CAP2: variants seen among roughly 807,000 people sequenced by gnomAD.
The protein encoded by CAP2 is cyclase associated actin cytoskeleton regulatory protein 2, also known as adenylyl cyclase-associated protein 2.
Under a neutral mutation model 57.7 loss-of-function variants are expected in CAP2, and 24 were observed. The observed-to-expected ratio is 0.42, with a 90% CI of 0.30 to 0.58. The LOEUF (loss-of-function observed/expected upper bound fraction) is 0.58, where lower values mean the gene tolerates loss of function less well. Ranked by LOEUF, CAP2 falls within the 20% of genes least tolerant of loss-of-function variation. The pLI is 0.22. For missense variants in CAP2, 501 were observed against 590.3 expected, an observed-to-expected ratio of 0.85 and a Z score of 1.57; for synonymous variants, 194 against 207.2, an observed-to-expected ratio of 0.94 and a Z score of 0.55.
In CAP2 at chr6:17,421,604, C is replaced by T. The variant is rs367682004; in HGVS notation, c.49C>T (p.Arg17Cys). ...LVERLERAVS[R>C]LESLSAESHR... is the part of the protein sequence containing the mutation. ...GGAAAGACTGGAACGAGCTGTCAGC[C>T]GCCTGGAGTCGCTGTCTGCAGAGTC... is the stretch of plus-strand genomic sequence containing the variant. The change falls in exon 2 of 13, where the codon CGC (arginine) becomes TGC (cysteine). Residue 17 changes from arginine to cysteine, a missense_variant. Physicochemically the swap from Arg to Cys is radical, Grantham distance 180. Coordinates refer to ENST00000229922, the MANE Select transcript of CAP2 (RefSeq NM_006366.3). The T allele has an allele frequency of 5.6e-6, 9 of 1,613,892 alleles. No individual in the cohort carries two copies. The highest frequency in any genetic ancestry group is 1.6e-4 in the Middle Eastern group (1 of 6,084).
chr6:17,491,258 C>G (rs1337715004), intron 4 of CAP2, among the ~76,000 whole-genome samples: 1 of 151,950 alleles, frequency 6.6e-6, no homozygotes, highest in Non-Finnish European at 1.5e-5. Flanking sequence ...GCCTGAGATT[C>G]TCAAAAAGAG....
intron 4 of CAP2, among the ~76,000 whole-genome samples, chr6:17,494,117 A>G (rs10807611): frequency 0.52 from 78,972 of 151,986 alleles, 20,715 homozygotes; most frequent in Admixed American, 0.6. Context: ...AGTAGTCTCG[A>G]ATACGATGTC....
chr6:17,470,046 A>C (rs115734191), intron 4 of CAP2, among the ~76,000 whole-genome samples: 3,022 of 152,374 alleles, frequency 0.02, 69 homozygotes, highest in Middle Eastern at 0.051. Context: ...GAGGGTTGTC[A>C]AGAGCAGAAA....
rs914709171 is a variant in CAP2 at position 17,458,851 on chromosome 6, C to G, written c.223-4145C>G. On this transcript the variant is annotated intron_variant, in intron 3 of 12. Transcript: ENST00000229922. ...AATATAAACTCATGACCAAATAAAACCGAATCACAGAATTTTTCCCTCCCC... is the reference window on the plus strand; with the variant it reads ...AATATAAACTCATGACCAAATAAAAGCGAATCACAGAATTTTTCCCTCCCC... Among the ~76,000 whole-genome samples the G allele has an allele frequency of 6.2e-5, 9 of 144,774 alleles. No homozygotes were observed. In the East Asian group the frequency reaches 7.8e-4, roughly 13 times the overall value. The allele number at this position is 144,774 out of a possible 152,430, so 95.0% of individuals were successfully genotyped here. A position where few individuals can be genotyped will look rare whatever the true frequency, so the allele number is the denominator to read the frequency against.
At chr6:17,505,327 C>T (rs933512764) in intron 4 of CAP2, among the ~76,000 whole-genome samples, 1 of 152,136 alleles carries the variant, frequency 6.6e-6, no homozygotes, top group African/African-American at 2.4e-5. Context: ...TAAAAGCTAC[C>T]GCAGCTGCAC....
intron 7 of CAP2, among the ~76,000 whole-genome samples, chr6:17,538,219 G>A (rs1581605854): frequency 6.6e-6 from 1 of 151,622 alleles, no homozygotes; most frequent in Non-Finnish European, 1.5e-5. Context: ...GGAGGCCAGG[G>A]CAGGAGGATT....
chr6:17,533,463 A>G (rs1347912547), intron 7 of CAP2, among the ~76,000 whole-genome samples: 1 of 152,194 alleles, frequency 6.6e-6, no homozygotes, highest in African/African-American at 2.4e-5. Flanking sequence ...TAATCTTAAT[A>G]GACCTTAAAT....
intron 1 of CAP2, among the ~76,000 whole-genome samples, chr6:17,406,306 G>T (rs1015084639): frequency 6.6e-6 from 1 of 151,922 alleles, no homozygotes; most frequent in African/African-American, 2.4e-5. Flanking sequence ...GGACAGAGTA[G>T]CGAGAGGAAT....
intron 1 of CAP2, among the ~76,000 whole-genome samples, chr6:17,412,603 TA>T (rs1278402917): frequency 6.6e-6 from 1 of 152,152 alleles, no homozygotes; most frequent in Non-Finnish European, 1.5e-5. Context: ...GACAAATGCT[TA>T]AACTACGAGG....
At chr6:17,512,185 T>C (rs1762172704) in intron 6 of CAP2, among the ~76,000 whole-genome samples, 1 of 151,706 alleles carries the variant, frequency 6.6e-6, no homozygotes. Context: ...AGGCCAGGAG[T>C]TCGAGACCAG....
At chr6:17,437,821 G>A (rs1280679731) in intron 3 of CAP2, among the ~76,000 whole-genome samples, 1 of 152,080 alleles carries the variant, frequency 6.6e-6, no homozygotes, top group Non-Finnish European at 1.5e-5. Context: ...AGTTTGCAGT[G>A]AACAGAGATC....
At chr6:17,491,903 A>C (rs1332915923) in intron 4 of CAP2, among the ~76,000 whole-genome samples, 1 of 152,266 alleles carries the variant, frequency 6.6e-6, no homozygotes, top group Non-Finnish European at 1.5e-5. Context: ...ACTGATCTTA[A>C]GATGATAGTC....
At chr6:17,545,325 G>C (rs984647420) in intron 11 of CAP2, among the ~76,000 whole-genome samples, 2 of 152,096 alleles carry the variant, frequency 1.3e-5, no homozygotes, top group African/African-American at 4.8e-5. Flanking sequence ...TATATAAGCA[G>C]TTAGCATTTT....
intron 3 of CAP2, among the ~76,000 whole-genome samples, chr6:17,437,066 G>C (rs1759911690): frequency 6.6e-6 from 1 of 152,098 alleles, no homozygotes; most frequent in African/African-American, 2.4e-5. Context: ...AGGAAAATAA[G>C]CTCAGGGCTC....
intron 3 of CAP2, among the ~76,000 whole-genome samples, chr6:17,433,364 G>T (rs1759793121): frequency 6.6e-6 from 1 of 152,202 alleles, no homozygotes. Flanking sequence ...CCACGTTTCT[G>T]TGCTTTCAGG....
intron 4 of CAP2, among the ~76,000 whole-genome samples, chr6:17,496,023 T>TGGG (rs1761656487): frequency 3.7e-4 from 1 of 2,704 alleles, no homozygotes; most frequent in Admixed American, 5.9e-3. Flanking sequence ...CATGCGTGTG[T>TGGG]GGGTGGGGGG....
At chr6:17,418,183 A>T (rs924806504) in intron 1 of CAP2, among the ~76,000 whole-genome samples, 1 of 152,116 alleles carries the variant, frequency 6.6e-6, no homozygotes, top group East Asian at 1.9e-4. Context: ...AGGCGGCATG[A>T]TCATCCGATC....
intron 12 of CAP2, among the ~76,000 whole-genome samples, chr6:17,553,803 A>G (rs1763228945): frequency 6.6e-6 from 1 of 152,176 alleles, no homozygotes; most frequent in Admixed American, 6.5e-5. Context: ...TTGGTCTCCC[A>G]GAGAAGACTC....
intron 3 of CAP2, among the ~76,000 whole-genome samples, chr6:17,462,468 A>G (rs1278182247): frequency 6.6e-6 from 1 of 152,176 alleles, no homozygotes; most frequent in Admixed American, 6.5e-5. Context: ...ATATTCACCA[A>G]GTTTTGAAAC....
Sources: gnomAD v4.1 joint callset for allele counts (sites outside exome capture counted in the v4.1 genomes callset) on GRCh38, gnomAD v4.1.1 for gene constraint, MANE v1.5 for transcripts, NCBI Gene and HGNC (gene_info 2026-07-23, HGNC 2026-07-21) for gene names.